Variants in CSMD1 observed in about 807,000 individuals in gnomAD.
CSMD1 encodes the protein CUB and Sushi multiple domains 1, also known as CUB and sushi domain-containing protein 1.
A neutral mutation model predicts 417.5 loss-of-function variants in CSMD1; 213 were observed. The observed-to-expected ratio is 0.51, with a 90% CI of 0.46 to 0.57. The LOEUF is 0.57. CSMD1 is among the 20% of genes least tolerant of loss of function. The pLI, the probability that CSMD1 is intolerant of heterozygous loss-of-function variation, is 0.00. For missense variants in CSMD1, 6,923 were observed against 4,529.7 expected (o/e 1.53, Z -15.17); for synonymous variants, 2,862 against 1,736.8 (o/e 1.65, Z -16.11).
intron 5 of CSMD1, among the ~76,000 whole-genome samples, chr8:3,935,634 G>T (rs553006666): frequency 6.6e-6 from 1 of 152,230 alleles, no homozygotes; most frequent in East Asian, 1.9e-4. Context: ...GGCCCCATAT[G>T]TGTCCATATA....
At chr8:4,984,653 G>A (rs1811076575) in intron 1 of CSMD1, among the ~76,000 whole-genome samples, 1 of 151,958 alleles carries the variant, frequency 6.6e-6, no homozygotes, top group Non-Finnish European at 1.5e-5. Flanking sequence ...TTTGTAAAGG[G>A]GAATGAACTT....
chr8:4,687,074 G>A (rs1054812623), intron 1 of CSMD1, among the ~76,000 whole-genome samples: 4 of 152,196 alleles, frequency 2.6e-5, no homozygotes, highest in African/African-American at 9.6e-5. Flanking sequence ...CTTCAGGCGA[G>A]CCGGCCCCTG....
At chr8:4,912,513 C>A (rs1420369295) in intron 1 of CSMD1, among the ~76,000 whole-genome samples, 1 of 152,118 alleles carries the variant, frequency 6.6e-6, no homozygotes, top group African/African-American at 2.4e-5. Flanking sequence ...GGCTTCATGC[C>A]AGATGCCCCA....
chr8:4,928,364 T>A (rs192141922), intron 1 of CSMD1, among the ~76,000 whole-genome samples: 28 of 152,344 alleles, frequency 1.8e-4, no homozygotes, highest in Middle Eastern at 3.4e-3. Context: ...GTTATTTAGT[T>A]ATTTACTATC....
intron 5 of CSMD1, among the ~76,000 whole-genome samples, chr8:3,980,613 A>G (rs537593671): frequency 2.6e-5 from 4 of 152,292 alleles, no homozygotes; most frequent in Admixed American, 6.5e-5. Context: ...TTATGCCCCA[A>G]TGATGCCTTA....
At chr8:3,907,811 A>G (rs961260920) in intron 5 of CSMD1, among the ~76,000 whole-genome samples, 1 of 152,172 alleles carries the variant, frequency 6.6e-6, no homozygotes, top group African/African-American at 2.4e-5. Context: ...ACAGCCCAAG[A>G]TATCTCTTCC....
chr8:4,404,458 C>G (rs983908926), intron 3 of CSMD1, among the ~76,000 whole-genome samples: 1 of 152,076 alleles, frequency 6.6e-6, no homozygotes, highest in Non-Finnish European at 1.5e-5. Flanking sequence ...GTAATTTTTG[C>G]AAAGCCAAAC....
chr8:3,748,814 G>T (rs1415092270), intron 6 of CSMD1, among the ~76,000 whole-genome samples: 1 of 152,192 alleles, frequency 6.6e-6, no homozygotes, highest in Non-Finnish European at 1.5e-5. Context: ...AAAATCAATA[G>T]TTATAGGGAA....
chr8:4,847,490 A>G (rs1239046077), intron 1 of CSMD1, among the ~76,000 whole-genome samples: 1 of 152,142 alleles, frequency 6.6e-6, no homozygotes, highest in Non-Finnish European at 1.5e-5. Context: ...CGACTACCCC[A>G]CTATTAACAT....
At chr8:4,636,830 C>T (rs965195639) in intron 2 of CSMD1, among the ~76,000 whole-genome samples, 2 of 152,102 alleles carry the variant, frequency 1.3e-5, no homozygotes, top group African/African-American at 2.4e-5. Flanking sequence ...GGACTTCTTG[C>T]ATTGAGTGGG....
intron 1 of CSMD1, among the ~76,000 whole-genome samples, chr8:4,854,266 C>T (rs539329545): frequency 6.6e-6 from 1 of 152,056 alleles, no homozygotes; most frequent in African/African-American, 2.4e-5. Context: ...GAAATATAAT[C>T]CCCAGTGTTG....
In CSMD1 at chr8:4,049,580, C is replaced by A. The variant is rs1263999702; in HGVS notation, c.416-17481G>T. Among the ~76,000 whole-genome samples the A allele has an allele frequency of 3.3e-5, 5 of 152,162 alleles. No individual in the cohort carries two copies. In the East Asian group the frequency reaches 9.7e-4, roughly 29 times the overall value. ...CTAGATTTTTATACCCAACTACTACCTGCTCTGTCTTTTTTATTTAGGGTT... is the reference window on the plus strand; with the variant it reads ...CTAGATTTTTATACCCAACTACTACATGCTCTGTCTTTTTTATTTAGGGTT... On this transcript the variant is annotated intron_variant, in intron 3 of 69. Coordinates refer to ENST00000635120, the MANE Select transcript of CSMD1 (RefSeq NM_033225.6).
At chr8:3,441,367 C>G (rs1396187322) in intron 12 of CSMD1, among the ~76,000 whole-genome samples, 1 of 152,006 alleles carries the variant, frequency 6.6e-6, no homozygotes, top group Non-Finnish European at 1.5e-5. Flanking sequence ...TGTGCATCGA[C>G]TGATATAAAC....
chr8:3,955,430 A>G (rs931407575), intron 5 of CSMD1, among the ~76,000 whole-genome samples: 18 of 152,204 alleles, frequency 1.2e-4, no homozygotes, highest in African/African-American at 4.1e-4. Flanking sequence ...AGGTCAACAA[A>G]TAAACCAGAA....
At chr8:3,703,005 C>A (rs1800953950) in intron 7 of CSMD1, among the ~76,000 whole-genome samples, 1 of 152,140 alleles carries the variant, frequency 6.6e-6, no homozygotes. Flanking sequence ...ATTTACATTG[C>A]ACTTTTTCCA....
chr8:4,970,672 A>G (rs1316463112), intron 1 of CSMD1, among the ~76,000 whole-genome samples: 4 of 152,242 alleles, frequency 2.6e-5, no homozygotes, highest in South Asian at 4.1e-4. Flanking sequence ...ATAAAAAGTT[A>G]TAAATAAATA....
chr8:4,330,531 A>G (rs1799808842), intron 3 of CSMD1, among the ~76,000 whole-genome samples: 1 of 152,076 alleles, frequency 6.6e-6, no homozygotes, highest in South Asian at 2.1e-4. Flanking sequence ...CAGAGGTTAC[A>G]GTAAGCCAAG....
At chr8:3,841,562 T>C (rs1210118765) in intron 5 of CSMD1, among the ~76,000 whole-genome samples, 2 of 152,146 alleles carry the variant, frequency 1.3e-5, no homozygotes, top group Admixed American at 6.5e-5. Context: ...ATCAATTAAA[T>C]TGTTTATCAC....
intron 3 of CSMD1, among the ~76,000 whole-genome samples, chr8:4,293,396 C>G (rs1249406593): frequency 1.3e-5 from 2 of 152,124 alleles, no homozygotes; most frequent in Non-Finnish European, 2.9e-5. Flanking sequence ...TCTTAAGCTC[C>G]TGCATTATTA....
Sources: gnomAD v4.1 joint callset for allele counts (sites outside exome capture counted in the v4.1 genomes callset) on GRCh38, gnomAD v4.1.1 for gene constraint, MANE v1.5 for transcripts, NCBI Gene and HGNC (gene_info 2026-07-23, HGNC 2026-07-21) for gene names.